Variants in MLLT3 observed in about 807,000 individuals in gnomAD.
MLLT3 encodes protein AF-9.
Under a neutral mutation model 53.2 loss-of-function variants are expected in MLLT3, and 4 were observed. The observed-to-expected ratio is 0.08, with a 90% CI of 0.04 to 0.17. The LOEUF (loss-of-function observed/expected upper bound fraction) is 0.17, where lower values mean the gene tolerates loss of function less well. Ranked by LOEUF, MLLT3 falls within the 10% of genes least tolerant of loss-of-function variation. MLLT3 has a pLI of 1.00. For synonymous variants in MLLT3, 283 were observed against 230.6 expected, an observed-to-expected ratio of 1.23 and a Z score of -2.06; for missense variants, 569 against 684.0, an observed-to-expected ratio of 0.83 and a Z score of 1.87.
intron 2 of MLLT3, among the ~76,000 whole-genome samples, chr9:20,499,178 T>C (rs186277699): frequency 7.2e-5 from 11 of 152,160 alleles, no homozygotes; most frequent in Non-Finnish European, 1.2e-4. Flanking sequence ...TATCTCCTCA[T>C]AAAGACAGCA....
At chr9:20,424,558 C>G (rs1334193781) in intron 4 of MLLT3, among the ~76,000 whole-genome samples, 11 of 151,994 alleles carry the variant, frequency 7.2e-5, no homozygotes, top group African/African-American at 2.2e-4. Flanking sequence ...TATAAGGGCC[C>G]CTATAGGCTG....
intron 2 of MLLT3, among the ~76,000 whole-genome samples, chr9:20,518,391 A>G (rs987309513): frequency 6.6e-6 from 1 of 152,204 alleles, no homozygotes; most frequent in African/African-American, 2.4e-5. Flanking sequence ...TTTTCCTTAC[A>G]GAAAAATTAT....
chr9:20,606,265 A>T (rs1820564181), intron 2 of MLLT3, among the ~76,000 whole-genome samples: 1 of 151,946 alleles, frequency 6.6e-6, no homozygotes, highest in Non-Finnish European at 1.5e-5. Flanking sequence ...AGAAGCTGGT[A>T]CATAGGACTG....
intron 2 of MLLT3, among the ~76,000 whole-genome samples, chr9:20,471,499 C>T (rs1824394835): frequency 6.6e-6 from 1 of 152,024 alleles, no homozygotes; most frequent in African/African-American, 2.4e-5. Context: ...GCCAGCTAAA[C>T]TGTGTTCTTT....
chr9:20,538,610 G>A (rs1296713246), intron 2 of MLLT3, among the ~76,000 whole-genome samples: 2 of 151,794 alleles, frequency 1.3e-5, no homozygotes, highest in Admixed American at 6.6e-5. Context: ...GAGAAAAGAA[G>A]GAAATTCCCT....
At chr9:20,582,363 A>G (rs1819815596) in intron 2 of MLLT3, among the ~76,000 whole-genome samples, 1 of 152,168 alleles carries the variant, frequency 6.6e-6, no homozygotes, top group Admixed American at 6.5e-5. Flanking sequence ...TCACTGCCCT[A>G]AAAATCCCAC....
intron 2 of MLLT3, among the ~76,000 whole-genome samples, chr9:20,520,402 G>C (rs187701558): frequency 3.0e-4 from 46 of 151,770 alleles, no homozygotes; most frequent in African/African-American, 1.0e-3. Context: ...AATAAATTGA[G>C]ACAGTCACAT....
chr9:20,618,689 G>A (rs747990985), intron 2 of MLLT3, among the ~76,000 whole-genome samples: 44 of 152,252 alleles, frequency 2.9e-4, no homozygotes, highest in Admixed American at 5.9e-4. Context: ...AGCTTACCAC[G>A]CCTAGCAACA....
intron 5 of MLLT3, among the ~76,000 whole-genome samples, chr9:20,378,846 TAGG>T (rs1262418379): frequency 5.3e-5 from 8 of 152,136 alleles, no homozygotes; most frequent in Admixed American, 3.3e-4. Context: ...TGTGAAAACT[TAGG>T]AGGTAGATTC....
chr9:20,557,998 A>G (rs1307747903), intron 2 of MLLT3, among the ~76,000 whole-genome samples: 1 of 152,228 alleles, frequency 6.6e-6, no homozygotes, highest in African/African-American at 2.4e-5. Flanking sequence ...TGATACAGAC[A>G]TCACTGCCTA....
intron 2 of MLLT3, among the ~76,000 whole-genome samples, chr9:20,592,844 G>T (rs1369413647): frequency 6.6e-6 from 1 of 152,132 alleles, no homozygotes; most frequent in African/African-American, 2.4e-5. Flanking sequence ...TCAAGAATCA[G>T]TTCCAAAACT....
At position 20,414,324 on chromosome 9, in the gene MLLT3, G is replaced by A. The variant is rs775376346; in HGVS notation, c.522C>T (p.Ser174=). Residue 174 remains serine, a synonymous_variant, in exon 5 of 11, where the codon AGC becomes AGT. Transcript: ENST00000380338. ...TACTGCTGCTGCTACTGCTGCTGCT[G>A]CTGCTGCTGCTGCTGCTGCTACTGC... ...SSSSSSSSSS[S]SSSSSSSSSS... 5.0e-6 allele frequency: 8 copies of A among 1,605,632 alleles called. No individual in the cohort carries two copies. Among genetic ancestry groups the A allele is most frequent in the African/African-American group, 1.3e-5 (1 of 74,490 alleles).
rs1303031795 is a variant in MLLT3 at position 20,343,246 on chromosome 9, A to G, written c.*3197T>C. On this transcript the variant is annotated 3_prime_UTR_variant, in exon 11 of 11. Coordinates refer to ENST00000380338, the MANE Select transcript of MLLT3 (RefSeq NM_004529.4). ...AGAAACTTTTTAGTGGAAGAAAACC[A>G]ATATTACTGGCTCTTTCCACCAAAA... 5.3e-6 allele frequency: 1 copy of G among 190,312 alleles called. No individual in the cohort carries two copies. Among genetic ancestry groups the G allele is most frequent in the Non-Finnish European group, 1.1e-5 (1 of 92,896 alleles). 11.8% of individuals were successfully genotyped at this position (190,312 alleles called of 1,614,324 possible). A position where few individuals can be genotyped will look rare whatever the true frequency, so the allele number is the denominator to read the frequency against.
intron 6 of MLLT3, among the ~76,000 whole-genome samples, chr9:20,365,338 T>C (rs998476976): frequency 6.6e-6 from 1 of 152,120 alleles, no homozygotes; most frequent in Non-Finnish European, 1.5e-5. Context: ...TTTTTTGTTT[T>C]GTTTTGTTTT....
rs551839178 is a variant in MLLT3, at chr9:20,448,914, T to C, written c.277-648A>G. Among the ~76,000 whole-genome samples, 3 of 152,294 alleles carry C rather than the reference T, an allele frequency of 2.0e-5. No homozygotes were observed. The highest frequency in any genetic ancestry group is 1.9e-4 in the East Asian group (1 of 5,186). ...CACCATTCCCCTTCTGTCCATCTGA[T>C]GGCCTAGCAACATCCCATTACTGGT... On this transcript the variant is annotated intron_variant, in intron 3 of 10. Coordinates refer to ENST00000380338, the MANE Select transcript of MLLT3 (RefSeq NM_004529.4). The surrounding 1 kb of genome is among the most constrained non-coding windows in gnomAD (Gnocchi z 4.0).
chr9:20,565,924 A>T (rs1270500104), intron 2 of MLLT3, among the ~76,000 whole-genome samples: 4 of 28,352 alleles, frequency 1.4e-4, no homozygotes, highest in East Asian at 3.3e-3. Flanking sequence ...ATATATATTT[A>T]TATATATATA....
intron 2 of MLLT3, among the ~76,000 whole-genome samples, chr9:20,495,259 T>A (rs1825053668): frequency 6.6e-6 from 1 of 152,160 alleles, no homozygotes; most frequent in Admixed American, 6.6e-5. Context: ...GCTCTGCAAA[T>A]CAGTGACATC....
At chr9:20,583,580 G>C (rs555616723) in intron 2 of MLLT3, among the ~76,000 whole-genome samples, 2 of 152,292 alleles carry the variant, frequency 1.3e-5, no homozygotes, top group South Asian at 2.1e-4. Flanking sequence ...CTGCAATCTA[G>C]GCAGAGGTTC....
In MLLT3 at chr9:20,610,635, A is replaced by G. The variant is rs1053954031; in HGVS notation, c.193+10019T>C. ...GTCAAGACATTACATTGATGGAGCTATAAGTAGTATCTACAGTGATAACAT... is the reference window on the plus strand; with the variant it reads ...GTCAAGACATTACATTGATGGAGCTGTAAGTAGTATCTACAGTGATAACAT... On this transcript the variant is annotated intron_variant, in intron 2 of 10. Coordinates refer to ENST00000380338, the MANE Select transcript of MLLT3 (RefSeq NM_004529.4). 5.3e-5 allele frequency among the ~76,000 whole-genome samples: 8 copies of G among 152,182 alleles called. No homozygotes were observed. In the East Asian group the frequency reaches 9.6e-4, roughly 18 times the overall value.
Sources: allele counts gnomAD v4.1 joint callset (sites outside exome capture counted in the v4.1 genomes callset), GRCh38; gene constraint gnomAD v4.1.1; non-coding constraint Gnocchi (gnomAD v3.1); transcripts MANE v1.5; gene names NCBI Gene and HGNC (gene_info 2026-07-23, HGNC 2026-07-21).